The following HSD17B4 variants were observed in gnomAD, a reference collection of about 807,000 sequenced individuals.
The protein encoded by HSD17B4 is peroxisomal multifunctional enzyme type 2.
HSD17B4 carries 70 observed loss-of-function variants against 101.0 expected under a neutral mutation model. The ratio of observed to expected loss-of-function variants is 0.69; its 90% CI spans 0.57 to 0.85. The LOEUF is 0.85. Ranked by LOEUF, HSD17B4 falls within the 40% of genes least tolerant of loss-of-function variation. The pLI is 0.00. For synonymous variants in HSD17B4, 347 were observed against 297.1 expected (o/e 1.17, Z -1.73); for missense variants, 984 against 892.4 (o/e 1.10, Z -1.31).
intron 10 of HSD17B4, chr5:119,493,597 G>T (rs1049547806): frequency 7.7e-5 from 38 of 491,846 alleles, no homozygotes; most frequent in South Asian, 5.2e-4. Flanking sequence ...AGTCAGAGGA[G>T]AAATTTTTCC....
intron 8 of HSD17B4, among the ~76,000 whole-genome samples, chr5:119,479,605 A>G (rs1748928483): frequency 6.6e-6 from 1 of 152,180 alleles, no homozygotes; most frequent in Admixed American, 6.5e-5. Context: ...TTACTGCCCT[A>G]AAAATCCCCT....
Position 119,515,030 on chromosome 5 carries a change from C to T in HSD17B4, c.1487C>T (p.Thr496Ile). 1.9e-6 allele frequency: 3 copies of T among 1,579,822 alleles called. No homozygotes were observed. The highest frequency in any genetic ancestry group is 2.6e-6 in the Non-Finnish European group (3 of 1,149,046). Residue 496 changes from threonine (T) to isoleucine (I), a missense_variant, in exon 17 of 24, where the codon ACC (threonine) becomes ATC (isoleucine). Thr to Ile is a moderately conservative substitution (Grantham distance 89, BLOSUM62 -1). Transcript: ENST00000510025. ...CCTCCTGATGCTGTACTTACAGATACCACCTCTCTTAATCAGGTAAGATTG... is the reference window on the plus strand; with the variant it reads ...CCTCCTGATGCTGTACTTACAGATATCACCTCTCTTAATCAGGTAAGATTG... ...NRPPDAVLTD[T>I]TSLNQAALYR...
intron 2 of HSD17B4, among the ~76,000 whole-genome samples, chr5:119,473,669 C>A (rs1738593828): frequency 6.6e-6 from 1 of 152,072 alleles, no homozygotes; most frequent in African/African-American, 2.4e-5. Context: ...TTAAAAATTT[C>A]ATGAGAACAA....
intron 22 of HSD17B4, 28 bp from the exon 23 acceptor site, chr5:119,536,395 C>T (rs748928199): frequency 6.2e-7 from 1 of 1,606,642 alleles, no homozygotes; most frequent in Non-Finnish European, 8.5e-7. Context: ...GAAAAAGATA[C>T]ACATTGGTTT....
chr5:119,472,614 AGTAGAGACGGGGTTTCACCAT>A (rs1171840866), intron 2 of HSD17B4: 1 of 152,176 alleles, frequency 6.6e-6, no homozygotes, highest in Non-Finnish European at 1.5e-5. Flanking sequence ...TTGGATTTTT[AGTAGAGACGGGGTTTCACCAT>A]GTTGGCCAGG....
At chr5:119,537,696 CA>C (rs1346220152) in intron 23 of HSD17B4, among the ~76,000 whole-genome samples, 1 of 152,118 alleles carries the variant, frequency 6.6e-6, no homozygotes, top group Non-Finnish European at 1.5e-5. Flanking sequence ...GCTTTGTGGG[CA>C]AGATGGTCTC....
chr5:119,489,550 A>C (rs1400071415), intron 9 of HSD17B4, among the ~76,000 whole-genome samples: 2 of 152,176 alleles, frequency 1.3e-5, no homozygotes, highest in African/African-American at 4.8e-5. Context: ...TCATTATTTA[A>C]GAAGCTGAAT....
At chr5:119,471,277 A>G (rs1044493557) in intron 2 of HSD17B4, among the ~76,000 whole-genome samples, 3 of 152,140 alleles carry the variant, frequency 2.0e-5, no homozygotes, top group Non-Finnish European at 4.4e-5. Flanking sequence ...TTGAGGGATA[A>G]TACAAGCCTC....
At chr5:119,467,902 T>G (rs899617042) in intron 2 of HSD17B4, among the ~76,000 whole-genome samples, 1 of 152,186 alleles carries the variant, frequency 6.6e-6, no homozygotes, top group African/African-American at 2.4e-5. Context: ...TTCTGTCCTT[T>G]CATTTTCAGT....
chr5:119,523,574 A>G (rs536382892), intron 17 of HSD17B4, among the ~76,000 whole-genome samples: 27 of 152,210 alleles, frequency 1.8e-4, no homozygotes, highest in Non-Finnish European at 3.2e-4. Context: ...TCTGTTATCT[A>G]TAGAAAGCAA....
chr5:119,507,640 CGGGCAT>C (rs1477500380), intron 15 of HSD17B4, among the ~76,000 whole-genome samples: 1 of 151,650 alleles, frequency 6.6e-6, no homozygotes, highest in Non-Finnish European at 1.5e-5. Context: ...AAAAAAAAGC[CGGGCAT>C]GGTGGCGGGC....
chr5:119,460,941 A>G (rs764581793), intron 2 of HSD17B4, among the ~76,000 whole-genome samples: 4 of 152,190 alleles, frequency 2.6e-5, no homozygotes, highest in Non-Finnish European at 5.9e-5. Flanking sequence ...CTGAGGCTGC[A>G]GCAGGCATGG....
intron 17 of HSD17B4, among the ~76,000 whole-genome samples, chr5:119,522,908 G>A (rs894437535): frequency 3.9e-5 from 6 of 152,078 alleles, no homozygotes; most frequent in African/African-American, 1.4e-4. Flanking sequence ...CCCTTAAGAT[G>A]GATTTATCTG....
chr5:119,495,265 A>G (rs573730311), intron 11 of HSD17B4, among the ~76,000 whole-genome samples: 45 of 152,344 alleles, frequency 3.0e-4, no homozygotes, highest in Admixed American at 8.5e-4. Context: ...TCTGATATTT[A>G]TCTCAAAAAG....
At chr5:119,527,104 A>T (rs745847023) in intron 19 of HSD17B4, 29 bp from the exon 20 acceptor site, 53 of 1,384,404 alleles carry the variant, frequency 3.8e-5, no homozygotes, top group Non-Finnish European at 4.8e-5. Context: ...CTTTTAAAAC[A>T]TTTTTAACCC....
rs146514789 is a variant in HSD17B4, at chr5:119,525,942, A to T, written c.1599A>T (p.Gly533=). The T allele has an allele frequency of 6.2e-7, 1 of 1,609,562 alleles. No individual in the cohort carries two copies. The highest frequency in any genetic ancestry group is 1.7e-5 in the Admixed American group (1 of 59,916). Residue 533 remains glycine, a synonymous_variant, in exon 19 of 24, where the codon GGA becomes GGT. Coordinates refer to ENST00000510025, the MANE Select transcript of HSD17B4 (RefSeq NM_000414.4). ...LAGFDKPILH[G]LCTFGFSARR... is the part of the protein sequence containing the mutation. ...GTTTTGACAAGCCCATATTACATGG[A>T]TTATGTACATTTGGATTTTCTGCCA...
chr5:119,482,252 T>G lies in HSD17B4; in HGVS notation c.622+3231T>G, dbSNP rs13356711. 6.4e-3 allele frequency among the ~76,000 whole-genome samples: 974 copies of G among 152,272 alleles called. 6 individuals carry two copies. Among genetic ancestry groups the G allele is most frequent in the Admixed American group, 0.01 (156 of 15,292 alleles). On this transcript the variant is annotated intron_variant, in intron 8 of 23. Transcript: ENST00000510025. ...TGTATTGACATATCTTCAAGGTCAC[T>G]GATTTTTTCTTCATTTCTTTTACGA...
chr5:119,523,250 T>C (rs1753272764), intron 17 of HSD17B4, among the ~76,000 whole-genome samples: 1 of 152,156 alleles, frequency 6.6e-6, no homozygotes, highest in Admixed American at 6.6e-5. Flanking sequence ...TAAGGAATAG[T>C]TTACCTGTAT....
intron 17 of HSD17B4, 101 bp from the exon 18 acceptor site, chr5:119,525,115 G>C (rs1753461490): frequency 2.6e-6 from 2 of 760,214 alleles, no homozygotes; most frequent in Non-Finnish European, 2.4e-6. Context: ...GGTACATTAT[G>C]ATACAATGCT....
Sources: gnomAD v4.1 joint callset for allele counts (sites outside exome capture counted in the v4.1 genomes callset) on GRCh38, gnomAD v4.1.1 for gene constraint, MANE v1.5 for transcripts, NCBI Gene and HGNC (gene_info 2026-07-23, HGNC 2026-07-21) for gene names.